Variants in SLIT3 observed in about 807,000 individuals in gnomAD.
The protein encoded by SLIT3 is slit homolog 3 protein.
In SLIT3, 68 loss-of-function variants were observed where a neutral mutation model predicts 184.0. The ratio of observed to expected loss-of-function variants is 0.37; its 90% CI spans 0.30 to 0.45. The LOEUF is 0.45. SLIT3 is among the 20% of genes least tolerant of loss of function. The pLI, the probability that SLIT3 is intolerant of heterozygous loss-of-function variation, is 1.00. For missense variants in SLIT3, 1,707 were observed against 2,026.0 expected, an observed-to-expected ratio of 0.84 and a Z score of 3.02; for synonymous variants, 831 against 828.6, an observed-to-expected ratio of 1.00 and a Z score of -0.05.
intron 17 of SLIT3, among the ~76,000 whole-genome samples, 200 bp from the exon 18 acceptor site, chr5:168,753,298 A>T (rs1362633626): frequency 1.3e-5 from 2 of 152,190 alleles, no homozygotes; most frequent in African/African-American, 4.8e-5. Context: ...TATGTACATT[A>T]TTGTTTGTGC....
chr5:169,265,547 T>C (rs943433775), intron 1 of SLIT3, among the ~76,000 whole-genome samples: 1 of 152,208 alleles, frequency 6.6e-6, no homozygotes, highest in East Asian at 1.9e-4. Flanking sequence ...CTGCCAAACA[T>C]AGCGCTTAAG....
chr5:168,819,402 C>A (rs2113661401), intron 7 of SLIT3, among the ~76,000 whole-genome samples: 1 of 152,368 alleles, frequency 6.6e-6, no homozygotes, highest in East Asian at 1.9e-4. Context: ...ACAAAGCAGA[C>A]CACAGGGCAG....
At chr5:169,278,679 A>C (rs868514922) in intron 1 of SLIT3, among the ~76,000 whole-genome samples, 17 of 152,214 alleles carry the variant, frequency 1.1e-4, no homozygotes, top group African/African-American at 4.1e-4. Context: ...ATGAGAGGGC[A>C]GACTTCATTT....
At chr5:169,143,386 A>C (rs924086463) in intron 4 of SLIT3, among the ~76,000 whole-genome samples, 1 of 152,252 alleles carries the variant, frequency 6.6e-6, no homozygotes, top group Non-Finnish European at 1.5e-5. Context: ...ACCATCATCA[A>C]GTTATGTGGC....
At chr5:168,745,114 T>C (rs1763760078) in intron 20 of SLIT3, among the ~76,000 whole-genome samples, 1 of 152,198 alleles carries the variant, frequency 6.6e-6, no homozygotes, top group South Asian at 2.1e-4. Context: ...TCCAACCATA[T>C]GGATGACCTT....
At chr5:168,716,199 T>C (rs1281585821) in intron 23 of SLIT3, among the ~76,000 whole-genome samples, 2 of 152,146 alleles carry the variant, frequency 1.3e-5, no homozygotes, top group African/African-American at 4.8e-5. Flanking sequence ...ATAGTCTCGA[T>C]CTCTTGACCT....
intron 32 of SLIT3, among the ~76,000 whole-genome samples, chr5:168,678,146 G>A (rs550801315): frequency 4.6e-5 from 7 of 152,152 alleles, no homozygotes; most frequent in African/African-American, 7.2e-5. Flanking sequence ...TATCTATGCC[G>A]GTAGGTGCTC....
intron 10 of SLIT3, among the ~76,000 whole-genome samples, chr5:168,793,884 A>T (rs986323601): frequency 6.6e-6 from 1 of 152,132 alleles, no homozygotes; most frequent in Non-Finnish European, 1.5e-5. Context: ...ATTAAGGCCT[A>T]TATTTATACA....
At chr5:169,277,901 T>A (rs1214357259) in intron 1 of SLIT3, among the ~76,000 whole-genome samples, 1 of 152,246 alleles carries the variant, frequency 6.6e-6, no homozygotes, top group Non-Finnish European at 1.5e-5. Context: ...CAATTTCCAA[T>A]TACACTTATT....
chr5:169,096,611 G>C (rs894576903), intron 4 of SLIT3, among the ~76,000 whole-genome samples: 1 of 152,180 alleles, frequency 6.6e-6, no homozygotes, highest in African/African-American at 2.4e-5. Flanking sequence ...CTTTGGCTTA[G>C]AGTATACCTT....
chr5:168,810,626 T>C (rs1757130189), intron 8 of SLIT3, among the ~76,000 whole-genome samples: 1 of 152,222 alleles, frequency 6.6e-6, no homozygotes, highest in South Asian at 2.1e-4. Flanking sequence ...TGGTCACCAC[T>C]TCGGCTCTGG....
At chr5:169,094,646 C>A (rs1759712835) in intron 4 of SLIT3, among the ~76,000 whole-genome samples, 2 of 152,106 alleles carry the variant, frequency 1.3e-5, no homozygotes, top group Admixed American at 1.3e-4. Context: ...AAATTACAGC[C>A]CTTATCCACT....
chr5:168,759,583 A>G lies in SLIT3; in HGVS notation c.1685+1279T>C, dbSNP rs147569814. Among the ~76,000 whole-genome samples the G allele has an allele frequency of 1.3e-4, 20 of 152,318 alleles. No individual in the cohort carries two copies. In the East Asian group the frequency reaches 3.7e-3, roughly 28 times the overall value. ...AACCCACGGCACTGAATATAACGCA[A>G]AAGGACACTGGTTTACAGCATGAGA... On this transcript the variant is annotated intron_variant, in intron 16 of 35. Coordinates refer to ENST00000519560, the MANE Select transcript of SLIT3 (RefSeq NM_003062.4).
chr5:169,132,506 G>A (rs1460904848), intron 4 of SLIT3, among the ~76,000 whole-genome samples: 1 of 152,144 alleles, frequency 6.6e-6, no homozygotes, highest in East Asian at 1.9e-4. Context: ...ACAGAGATTT[G>A]CCTGGCACTC....
chr5:168,801,089 A>G (rs371821212), intron 9 of SLIT3, among the ~76,000 whole-genome samples: 2 of 152,304 alleles, frequency 1.3e-5, no homozygotes, highest in South Asian at 4.2e-4. Flanking sequence ...CAGAACAAGG[A>G]TTCGAACCCC....
chr5:169,261,141 T>TA (rs1186572637), intron 1 of SLIT3, among the ~76,000 whole-genome samples: 1 of 152,224 alleles, frequency 6.6e-6, no homozygotes, highest in African/African-American at 2.4e-5. Flanking sequence ...GCCAGAGGCA[T>TA]AAACAAAAGC....
intron 4 of SLIT3, among the ~76,000 whole-genome samples, chr5:168,973,482 G>A (rs1352368301): frequency 6.6e-6 from 1 of 152,190 alleles, no homozygotes; most frequent in African/African-American, 2.4e-5. Context: ...TCCGATCTCA[G>A]GTGATTCACC....
At chr5:168,675,006 C>T (rs1369199213) in intron 32 of SLIT3, among the ~76,000 whole-genome samples, 3 of 152,154 alleles carry the variant, frequency 2.0e-5, no homozygotes, top group Non-Finnish European at 2.9e-5. Context: ...CCTGAGGTCA[C>T]CCAGCTAGTA....
At chr5:169,038,911 G>C (rs1420547089) in intron 4 of SLIT3, among the ~76,000 whole-genome samples, 1 of 152,152 alleles carries the variant, frequency 6.6e-6, no homozygotes, top group Non-Finnish European at 1.5e-5. Flanking sequence ...GGTAGGTTTT[G>C]AGTGAGAAGA....
Sources: gnomAD v4.1 joint callset for allele counts (sites outside exome capture counted in the v4.1 genomes callset) on GRCh38, gnomAD v4.1.1 for gene constraint, MANE v1.5 for transcripts, NCBI Gene and HGNC (gene_info 2026-07-23, HGNC 2026-07-21) for gene names.